Variants in KCNN3 observed in about 807,000 individuals in gnomAD.
KCNN3 encodes the protein small conductance calcium-activated potassium channel protein 3.
In KCNN3, 16 loss-of-function variants were observed where a neutral mutation model predicts 62.9. The observed-to-expected ratio is 0.25, with a 90% CI of 0.17 to 0.39. KCNN3 has a LOEUF of 0.39. Among genes scored for constraint, KCNN3 ranks in the 10% least tolerant of loss-of-function variants. The pLI is 1.00. For synonymous variants in KCNN3, 370 were observed against 389.2 expected, an observed-to-expected ratio of 0.95 and a Z score of 0.58; for missense variants, 599 against 949.4, an observed-to-expected ratio of 0.63 and a Z score of 4.85.
chr1:154,860,645 C>T (rs770873674), intron 1 of KCNN3, among the ~76,000 whole-genome samples: 4 of 152,176 alleles, frequency 2.6e-5, no homozygotes, highest in African/African-American at 7.2e-5. Flanking sequence ...TTGTCACGGA[C>T]GGGAAGCCAT....
intron 3 of KCNN3, among the ~76,000 whole-genome samples, chr1:154,748,876 C>T (rs548755153): frequency 6.6e-6 from 1 of 152,284 alleles, no homozygotes; most frequent in East Asian, 1.9e-4. Flanking sequence ...GTGGGAGGAT[C>T]ACTTGATTAA....
chr1:154,738,201 C>G (rs1050383372), intron 3 of KCNN3, among the ~76,000 whole-genome samples: 5 of 152,096 alleles, frequency 3.3e-5, no homozygotes, highest in African/African-American at 4.8e-5. Context: ...GGAAAGGAGA[C>G]AATCCTACAG....
At chr1:154,725,807 T>C (rs907297363) in intron 5 of KCNN3, 109 bp downstream of exon 5, 4 of 780,952 alleles carry the variant, frequency 5.1e-6, no homozygotes, top group African/African-American at 5.1e-5. Context: ...CCTCCTAAAG[T>C]GTTGGGATTA....
chr1:154,783,890 A>G (rs1649167444), intron 2 of KCNN3, among the ~76,000 whole-genome samples: 1 of 152,188 alleles, frequency 6.6e-6, no homozygotes, highest in Non-Finnish European at 1.5e-5. Context: ...CTCCAGATCC[A>G]TGGAAATGTC....
chr1:154,806,479 A>T (rs1047423057), intron 2 of KCNN3, among the ~76,000 whole-genome samples: 4 of 152,218 alleles, frequency 2.6e-5, no homozygotes, highest in African/African-American at 9.7e-5. Flanking sequence ...GAGGAAACAG[A>T]CTCAGGGAAA....
intron 4 of KCNN3, among the ~76,000 whole-genome samples, chr1:154,732,133 C>A (rs114342967): frequency 0.014 from 2,173 of 152,292 alleles, 45 homozygotes; most frequent in African/African-American, 0.05. Flanking sequence ...ATGGGGAGGG[C>A]AGGGCAGGCC....
At chr1:154,750,357 G>C (rs546433761) in intron 3 of KCNN3, among the ~76,000 whole-genome samples, 4 of 152,344 alleles carry the variant, frequency 2.6e-5, no homozygotes, top group Admixed American at 6.5e-5. Context: ...CAGAATGAAA[G>C]AGATATGAAG....
At chr1:154,866,836 C>T (rs1652973418) in intron 1 of KCNN3, among the ~76,000 whole-genome samples, 1 of 152,190 alleles carries the variant, frequency 6.6e-6, no homozygotes, top group South Asian at 2.1e-4. Context: ...TTTCATTCAC[C>T]TAAAATCTGC....
At chr1:154,811,820 C>T (rs1356215476) in intron 2 of KCNN3, among the ~76,000 whole-genome samples, 1 of 152,170 alleles carries the variant, frequency 6.6e-6, no homozygotes, top group Non-Finnish European at 1.5e-5. Context: ...TGTATAGAAG[C>T]CTCCAAACAC....
intron 2 of KCNN3, among the ~76,000 whole-genome samples, chr1:154,808,759 A>G (rs1650282858): frequency 6.6e-6 from 1 of 152,196 alleles, no homozygotes; most frequent in Non-Finnish European, 1.5e-5. Flanking sequence ...CACTGGTGGC[A>G]ATTTCTCTTT....
intron 1 of KCNN3, among the ~76,000 whole-genome samples, chr1:154,828,908 G>A (rs535605898): frequency 8.9e-4 from 135 of 152,298 alleles, no homozygotes; most frequent in Non-Finnish European, 1.2e-3. Flanking sequence ...TTTGCAATCC[G>A]CATAGCCAAA....
intron 3 of KCNN3, among the ~76,000 whole-genome samples, chr1:154,766,587 T>C (rs1648299622): frequency 6.7e-6 from 1 of 149,814 alleles, no homozygotes; most frequent in Non-Finnish European, 1.5e-5. Context: ...TCAGTTCTGC[T>C]CAGCCTACAG....
rs1700121111 is a variant in KCNN3, at chr1:154,713,500, C to T, written c.1863G>A (p.Leu621=). Residue 621 remains leucine (L), a synonymous_variant, in exon 7 of 8, where the codon CTG becomes CTA. Coordinates refer to ENST00000271915, the MANE Select transcript of KCNN3 (RefSeq NM_002249.6). ...CCACCAGAGTGTTGGCTTGGTCACT[C>T]AGCTTCCTCTGTTCCATCTTGACGC... The part of the protein sequence containing the change: ...LRSVKMEQRK[L]SDQANTLVDL... 6.2e-7 allele frequency: 1 copy of T among 1,613,940 alleles called. No homozygotes were observed. The highest frequency in any genetic ancestry group is 1.7e-5 in the Admixed American group (1 of 60,006).
At chr1:154,839,201 A>G (rs1218574) in intron 1 of KCNN3, among the ~76,000 whole-genome samples, 119,000 of 152,080 alleles carry the variant, frequency 0.78, 47,855 homozygotes, top group East Asian at 0.99. Context: ...CCACGTGCCC[A>G]CCACCATCGA....
At chr1:154,737,771 A>G (rs1335485252) in intron 3 of KCNN3, among the ~76,000 whole-genome samples, 1 of 152,132 alleles carries the variant, frequency 6.6e-6, no homozygotes. Flanking sequence ...GAAAGAAAAT[A>G]TGAAGTTAGG....
chr1:154,743,076 G>A (rs1700859268), intron 3 of KCNN3, among the ~76,000 whole-genome samples: 1 of 152,126 alleles, frequency 6.6e-6, no homozygotes, highest in African/African-American at 2.4e-5. Flanking sequence ...CGGAGCGCCT[G>A]TCATCCCTGG....
intron 1 of KCNN3, among the ~76,000 whole-genome samples, chr1:154,847,801 C>T (rs888160855): frequency 1.3e-5 from 2 of 152,214 alleles, no homozygotes; most frequent in Non-Finnish European, 2.9e-5. Context: ...GAACATGACA[C>T]CTGCGTAATT....
chr1:154,868,930 CTCTCT>C, intron 1 of KCNN3, 97 bp downstream of exon 1: 1 of 1,091,800 alleles, frequency 9.2e-7, no homozygotes, highest in South Asian at 1.3e-5. Flanking sequence ...CTCTCTCTCT[CTCTCT>C]CAATCTCTCT....
chr1:154,812,000 T>C (rs1214610302), intron 2 of KCNN3, among the ~76,000 whole-genome samples: 4 of 152,194 alleles, frequency 2.6e-5, no homozygotes, highest in Non-Finnish European at 5.9e-5. Context: ...TTGAGTGCCA[T>C]GTTTCTTAAT....
Sources: gnomAD v4.1 joint callset for allele counts (sites outside exome capture counted in the v4.1 genomes callset) on GRCh38, gnomAD v4.1.1 for gene constraint, MANE v1.5 for transcripts, NCBI Gene and HGNC (gene_info 2026-07-23, HGNC 2026-07-21) for gene names.